The following ZMYND8 variants were observed in gnomAD, a reference collection of about 807,000 sequenced individuals.
ZMYND8 encodes zinc finger MYND-type containing 8.
In ZMYND8, 37 loss-of-function variants were observed where a neutral mutation model predicts 140.8. That is an observed-to-expected ratio of 0.26 (90% CI 0.20 to 0.35). ZMYND8 has a LOEUF of 0.35. Ranked by LOEUF, ZMYND8 falls within the 10% of genes least tolerant of loss-of-function variation. The pLI, the probability that ZMYND8 is intolerant of heterozygous loss-of-function variation, is 1.00. For missense variants in ZMYND8, 1,068 were observed against 1,570.0 expected (o/e 0.68, Z 5.40); for synonymous variants, 592 against 597.1 (o/e 0.99, Z 0.12).
chr20:47,346,719 G>A (rs751850814), intron 2 of ZMYND8, among the ~76,000 whole-genome samples: 15 of 152,050 alleles, frequency 9.9e-5, no homozygotes, highest in Non-Finnish European at 2.1e-4. Flanking sequence ...TGATTCTCCT[G>A]CCTCAACCTC....
intron 7 of ZMYND8, among the ~76,000 whole-genome samples, chr20:47,289,706 A>G (rs2077138533): frequency 6.6e-6 from 1 of 152,220 alleles, no homozygotes; most frequent in African/African-American, 2.4e-5. Context: ...GAGCAGCCAG[A>G]CACACAAGAG....
At chr20:47,239,171 A>G in intron 14 of ZMYND8, 33 bp from the exon 15 acceptor site, 1 of 1,476,572 alleles carries the variant, frequency 6.8e-7, no homozygotes, top group Non-Finnish European at 8.9e-7. Flanking sequence ...ACAAACAAAA[A>G]CCGGATTTCA....
In ZMYND8 at chr20:47,224,544, G is replaced by A. The variant is rs1053372195; in HGVS notation, c.3029C>T (p.Ala1010Val). The A allele has an allele frequency of 4.3e-6, 7 of 1,613,102 alleles. No homozygotes were observed. Among genetic ancestry groups the A allele is most frequent in the Middle Eastern group, 1.6e-4 (1 of 6,084 alleles). The change falls in exon 19 of 23, where the codon GCG becomes GTG. Residue 1010 changes from alanine to valine, a missense_variant. This residue lies in a region of ZMYND8 where 87 missense variants were observed against 151.1 expected (regional missense o/e 0.58). Transcript: ENST00000471951. ...EMKHNLELTMAEMRQSLEQER... is the reference protein window; with the variant it reads ...EMKHNLELTMVEMRQSLEQER... ...CTGCTCCAGGCTCTGCCGCATCTCC[G>A]CCATGGTCAGCTCTGGTGGAGGAGG...
intron 10 of ZMYND8, 66 bp downstream of exon 10, chr20:47,282,036 C>A: frequency 3.1e-6 from 4 of 1,301,412 alleles, no homozygotes; most frequent in Non-Finnish European, 4.3e-6. Flanking sequence ...CACTTCTTTT[C>A]TTATCTCATA....
intron 17 of ZMYND8, among the ~76,000 whole-genome samples, chr20:47,228,800 C>G (rs2038063153): frequency 6.6e-6 from 1 of 152,144 alleles, no homozygotes; most frequent in South Asian, 2.1e-4. Flanking sequence ...TCCCCAACGT[C>G]ACCTTAAATG....
intron 3 of ZMYND8, among the ~76,000 whole-genome samples, chr20:47,307,640 C>T (rs1019893225): frequency 2.6e-5 from 4 of 152,040 alleles, no homozygotes; most frequent in African/African-American, 9.7e-5. Flanking sequence ...CCAGCCTGGC[C>T]AGCATGGTGA....
At chr20:47,216,034 G>A (rs1315029024) in intron 21 of ZMYND8, among the ~76,000 whole-genome samples, 1 of 152,230 alleles carries the variant, frequency 6.6e-6, no homozygotes, top group Non-Finnish European at 1.5e-5. Context: ...AGGAGGGAAG[G>A]ACAGAGCACA....
chr20:47,253,591 G>A (rs1180859553), intron 12 of ZMYND8, among the ~76,000 whole-genome samples: 2 of 150,800 alleles, frequency 1.3e-5, no homozygotes, highest in Non-Finnish European at 2.9e-5. Context: ...GATCCTAATT[G>A]GCAGCTAAGG....
intron 1 of ZMYND8, 92 bp downstream of exon 1, chr20:47,356,565 C>T: frequency 1.9e-6 from 3 of 1,613,656 alleles, no homozygotes; most frequent in Non-Finnish European, 2.5e-6. Flanking sequence ...GTGAGTGTGG[C>T]ACGGCCAGCC....
chr20:47,345,769 A>T (rs2082280222), intron 2 of ZMYND8, among the ~76,000 whole-genome samples: 2 of 150,754 alleles, frequency 1.3e-5, no homozygotes, highest in Non-Finnish European at 3.0e-5. Flanking sequence ...TCGCCCTCCC[A>T]AAGTGCTAAG....
chr20:47,249,478 C>T, intron 12 of ZMYND8, 39 bp from the exon 13 acceptor site: 1 of 1,596,006 alleles, frequency 6.3e-7, no homozygotes, highest in Non-Finnish European at 8.6e-7. Context: ...ATCAGGCACA[C>T]ACCATCCTCA....
Position 47,298,881 on chromosome 20 carries a change from C to G in ZMYND8, c.301G>C (p.Val101Leu). Residue 101 changes from valine to leucine, a missense_variant, in exon 4 of 23, where the codon GTA becomes CTA. Val to Leu is a conservative substitution (Grantham distance 32). Around this residue, in one of 10 missense-constraint regions of ZMYND8, gnomAD observed 109 missense variants for 314.9 expected, o/e 0.35. Coordinates refer to ENST00000471951, the MANE Select transcript of ZMYND8 (RefSeq NM_001281775.3). The surrounding 1 kb of genome is among the most constrained non-coding windows in gnomAD (Gnocchi z 5.0). ...AAATCATTCCGTCCATCCTGCGGTA[C>G]AACATCAACAGGGTCTGTGGTGAGT... ...QPLTTDPVDV[V>L]PQDGRNDFYC... 2 of 1,614,164 alleles carry G rather than the reference C, an allele frequency of 1.2e-6. No individual in the cohort carries two copies. Among genetic ancestry groups the G allele is most frequent in the Non-Finnish European group, 1.7e-6 (2 of 1,180,024 alleles).
chr20:47,262,777 A>G (rs2075249688), intron 11 of ZMYND8, among the ~76,000 whole-genome samples: 1 of 152,174 alleles, frequency 6.6e-6, no homozygotes, highest in African/African-American at 2.4e-5. Context: ...CAACCCCCAC[A>G]TGGTCCAGAT....
At chr20:47,316,868 C>A (rs2079443678) in intron 2 of ZMYND8, among the ~76,000 whole-genome samples, 1 of 151,934 alleles carries the variant, frequency 6.6e-6, no homozygotes, top group South Asian at 2.1e-4. Context: ...GTTCAAAATG[C>A]ATTTCCTGTA....
Position 47,298,135 on chromosome 20 carries a change from T to C in ZMYND8, c.453+594A>G, listed in dbSNP as rs1601700717. 2.3e-6 allele frequency: 1 copy of C among 433,948 alleles called. No individual in the cohort carries two copies. 26.9% of individuals were successfully genotyped at this position (433,948 alleles called of 1,614,324 possible). A position where few individuals can be genotyped will look rare whatever the true frequency, so the allele number is the denominator to read the frequency against. On this transcript the variant is annotated intron_variant, in intron 4 of 22. Coordinates refer to ENST00000471951, the MANE Select transcript of ZMYND8 (RefSeq NM_001281775.3). This position sits in a 1 kb window ranked among gnomAD's most constrained non-coding sequence, Gnocchi z 5.0. ...TTTCTTCACAGCACTTTTCTTTTAA[T>C]TCATTATATGGAACTTTATTTATTT...
intron 6 of ZMYND8, among the ~76,000 whole-genome samples, chr20:47,290,644 T>C (rs1329593850): frequency 2.9e-5 from 4 of 137,508 alleles, no homozygotes; most frequent in Non-Finnish European, 6.0e-5. Flanking sequence ...CAGGTTGGAG[T>C]GCAATGGCGT....
rs749490002 is a variant in ZMYND8, at chr20:47,249,377, G to C, written c.1684C>G (p.Pro562Ala). Reference protein sequence around the residue: ...LSESVQQQSTPVPLISPKRQI... With the variant: ...LSESVQQQSTAVPLISPKRQI... ...CGCTTGGGAGAGATGAGAGGAACAG[G>C]GGTGGACTGTTGCTGGACCGACTCG... The change falls in exon 13 of 23, where the codon CCT becomes GCT. Residue 562 changes from proline to alanine, a missense_variant. Around this residue, in one of 10 missense-constraint regions of ZMYND8, gnomAD observed 173 missense variants for 223.3 expected, o/e 0.77. Coordinates refer to ENST00000471951, the MANE Select transcript of ZMYND8 (RefSeq NM_001281775.3). 4.3e-6 allele frequency: 7 copies of C among 1,613,996 alleles called. No individual in the cohort carries two copies. Among genetic ancestry groups the C allele is most frequent in the Non-Finnish European group, 5.1e-6 (6 of 1,180,028 alleles).
At position 47,212,643 on chromosome 20, in the gene ZMYND8, CT is replaced by C; in HGVS notation, c.3566del (p.Lys1189SerfsTer81). 1 of 1,613,878 alleles carries C rather than the reference CT, an allele frequency of 6.2e-7. No individual in the cohort carries two copies. The highest frequency in any genetic ancestry group is 8.5e-7 in the Non-Finnish European group (1 of 1,179,852). Reference sequence around the variant, plus strand: ...TTCGTAAGACAGGTTCATACTTACACTTCTGGGCGGGGTAGTTGGGGTGCGG... The same window carrying C: ...TTCGTAAGACAGGTTCATACTTACACTCTGGGCGGGGTAGTTGGGGTGCGG... ...HQPHPNYPAQ[K>X]YHSRSNKSSW... On this transcript the variant is annotated frameshift_variant and splice_region_variant, in exon 22 of 23. Transcript: ENST00000471951. LOFTEE classifies it high-confidence loss of function.
intron 2 of ZMYND8, among the ~76,000 whole-genome samples, chr20:47,343,048 AGTGGTAG>A (rs1372319208): frequency 1.3e-5 from 2 of 152,096 alleles, no homozygotes; most frequent in African/African-American, 4.8e-5. Context: ...GGGAGGCCAA[AGTGGTAG>A]GATCACTTGA....
Sources: gnomAD v4.1 joint callset for allele counts (sites outside exome capture counted in the v4.1 genomes callset) on GRCh38, gnomAD v4.1.1 for gene constraint, gnomAD v4.1.1 regional missense constraint, Gnocchi (gnomAD v3.1) non-coding constraint, MANE v1.5 for transcripts, NCBI Gene and HGNC (gene_info 2026-07-23, HGNC 2026-07-21) for gene names.